The following PTPRN2 variants were observed in gnomAD, a reference collection of about 807,000 sequenced individuals.
PTPRN2 encodes the protein receptor-type tyrosine-protein phosphatase N2.
Under a neutral mutation model 118.8 loss-of-function variants are expected in PTPRN2, and 74 were observed. The observed-to-expected ratio is 0.62, with a 90% CI of 0.52 to 0.76. The LOEUF is 0.76. Among genes scored for constraint, PTPRN2 ranks in the 30% least tolerant of loss-of-function variants. PTPRN2 has a pLI of 0.00. For synonymous variants in PTPRN2, 641 were observed against 608.0 expected (o/e 1.05, Z -0.80); for missense variants, 1,481 against 1,394.4 (o/e 1.06, Z -0.99).
chr7:158,227,272 G>GC (rs1828856815), intron 3 of PTPRN2, among the ~76,000 whole-genome samples: 1 of 152,174 alleles, frequency 6.6e-6, no homozygotes, highest in Admixed American at 6.5e-5. Flanking sequence ...AAGACAGACA[G>GC]CCCAAGGTCA....
At chr7:158,155,565 T>TCACCAA (rs1563529098) in intron 6 of PTPRN2, among the ~76,000 whole-genome samples, 1 of 17,006 alleles carries the variant, frequency 5.9e-5, no homozygotes. Context: ...ATCATCATCA[T>TCACCAA]TGCCATCATC....
At chr7:158,140,123 T>C (rs1168037463) in intron 6 of PTPRN2, among the ~76,000 whole-genome samples, 1 of 152,062 alleles carries the variant, frequency 6.6e-6, no homozygotes, top group Admixed American at 6.5e-5. Context: ...AAACAACTGA[T>C]TGTTAGCAAG....
chr7:157,682,041 G>A (rs796077322), intron 13 of PTPRN2, among the ~76,000 whole-genome samples: 11 of 152,308 alleles, frequency 7.2e-5, no homozygotes, highest in South Asian at 2.1e-4. Flanking sequence ...TGTTAAAACC[G>A]AAGGCCTATG....
intron 12 of PTPRN2, among the ~76,000 whole-genome samples, chr7:157,756,434 T>C (rs915913313): frequency 2.0e-5 from 3 of 152,094 alleles, no homozygotes; most frequent in African/African-American, 7.2e-5. Context: ...TACCTGGGAT[T>C]ACAGGTGTCC....
rs560957103 is a variant in PTPRN2, at chr7:158,571,443, A to G, written c.112+16115T>C. Among the ~76,000 whole-genome samples, 42 of 149,536 alleles carry G rather than the reference A, an allele frequency of 2.8e-4. No homozygotes were observed. The East Asian group carries it at 7.9e-3, about 28-fold the overall frequency. ...CAGTGAGCTGAGATTGCACCACTGC[A>G]CTCCAGCCTGGGTAATAGAGTGAGA... On this transcript the variant is annotated intron_variant, in intron 1 of 22. Coordinates refer to ENST00000389418, the MANE Select transcript of PTPRN2 (RefSeq NM_002847.5).
Position 157,622,774 on chromosome 7 carries a change from C to T in PTPRN2, c.2197-1265G>A, listed in dbSNP as rs1045765325. Among the ~76,000 whole-genome samples, 16 of 152,176 alleles carry T rather than the reference C, an allele frequency of 1.1e-4. No individual in the cohort carries two copies. Among genetic ancestry groups the T allele is most frequent in the African/African-American group, 3.9e-4 (16 of 41,442 alleles). On this transcript the variant is annotated intron_variant, in intron 14 of 22. Transcript: ENST00000389418. This position sits in a 1 kb window ranked among gnomAD's most constrained non-coding sequence, Gnocchi z 5.3. ...ACTCTAAGGCCGTCTGTTGGGAGGT[C>T]CCAGGTTGTCACTGTCACCCCCACC...
intron 2 of PTPRN2, among the ~76,000 whole-genome samples, chr7:158,481,519 C>T (rs572161798): frequency 6.6e-6 from 1 of 152,332 alleles, no homozygotes; most frequent in African/African-American, 2.4e-5. Context: ...AGCTGGAGTG[C>T]AGTGGTGCGA....
chr7:157,595,138 A>T, intron 17 of PTPRN2, 100 bp downstream of exon 17: 1 of 1,058,492 alleles, frequency 9.4e-7, no homozygotes, highest in South Asian at 1.3e-5. Flanking sequence ...GAGCATTTGT[A>T]AGAAGTTTGA....
chr7:157,578,081 G>T lies in PTPRN2; in HGVS notation c.2556C>A (p.Gly852=). The change falls in exon 18 of 23, where the codon GGC becomes GGA. Residue 852 remains glycine (G), a synonymous_variant. Coordinates refer to ENST00000389418, the MANE Select transcript of PTPRN2 (RefSeq NM_002847.5). The part of the protein sequence containing the change: ...IVMLTPLAEN[G]VRQCYHYWPD... ...GCCAGTAGTGGTAGCACTGCCGGACGCCGTTCTCCGCGAGGGGTGTCAGCA... is the reference window on the plus strand; with the variant it reads ...GCCAGTAGTGGTAGCACTGCCGGACTCCGTTCTCCGCGAGGGGTGTCAGCA... 6.2e-7 allele frequency: 1 copy of T among 1,613,556 alleles called. No individual in the cohort carries two copies. The highest frequency in any genetic ancestry group is 8.5e-7 in the Non-Finnish European group (1 of 1,179,770).
chr7:157,606,224 G>T (rs987004520), intron 15 of PTPRN2, among the ~76,000 whole-genome samples: 4 of 152,246 alleles, frequency 2.6e-5, no homozygotes, highest in African/African-American at 4.8e-5. Context: ...ACAGCAGGGA[G>T]AATCCAGGTA....
intron 2 of PTPRN2, among the ~76,000 whole-genome samples, chr7:158,340,946 C>T (rs1447086597): frequency 1.1e-5 from 1 of 87,634 alleles, no homozygotes; most frequent in Non-Finnish European, 2.5e-5. Flanking sequence ...CACACTCTCA[C>T]CATAAGAGCT....
At chr7:158,381,794 G>T (rs550264702) in intron 2 of PTPRN2, among the ~76,000 whole-genome samples, 1 of 152,324 alleles carries the variant, frequency 6.6e-6, no homozygotes, top group Admixed American at 6.5e-5. Flanking sequence ...CCACATGGCT[G>T]GGGAGGCCTC....
intron 14 of PTPRN2, among the ~76,000 whole-genome samples, chr7:157,650,760 C>G (rs1182615303): frequency 6.6e-6 from 1 of 152,248 alleles, no homozygotes; most frequent in African/African-American, 2.4e-5. Flanking sequence ...GCGTGGGGTG[C>G]AGGGGACCCC....
intron 2 of PTPRN2, among the ~76,000 whole-genome samples, chr7:158,477,086 G>A (rs962204045): frequency 6.6e-6 from 1 of 152,194 alleles, no homozygotes; most frequent in Admixed American, 6.5e-5. Flanking sequence ...ATTGGAATTT[G>A]GGAGTGCAAT....
intron 11 of PTPRN2, among the ~76,000 whole-genome samples, chr7:157,904,075 A>G (rs968669703): frequency 9.9e-5 from 15 of 152,274 alleles, no homozygotes; most frequent in Admixed American, 7.8e-4. Context: ...CTGGTCTCTT[A>G]TGCTATTAAC....
intron 11 of PTPRN2, among the ~76,000 whole-genome samples, chr7:157,915,897 G>C (rs750851845): frequency 3.3e-5 from 5 of 152,126 alleles, no homozygotes; most frequent in Admixed American, 3.3e-4. Flanking sequence ...TTCTTCCAGC[G>C]TACCAGCAGA....
intron 3 of PTPRN2, among the ~76,000 whole-genome samples, chr7:158,309,388 C>T (rs1801532596): frequency 6.6e-6 from 1 of 152,234 alleles, no homozygotes; most frequent in Non-Finnish European, 1.5e-5. Flanking sequence ...TGCCTTCGAA[C>T]CTCGGACCTC....
intron 2 of PTPRN2, among the ~76,000 whole-genome samples, chr7:158,355,825 G>A (rs900485131): frequency 6.6e-6 from 1 of 152,226 alleles, no homozygotes; most frequent in Admixed American, 6.5e-5. Flanking sequence ...ATGATGGGGT[G>A]AGACCTCGCT....
rs1806896076 is a variant in PTPRN2, at chr7:158,341,861, G to GA, written c.164-24930_164-24929insT. 1.2e-4 allele frequency among the ~76,000 whole-genome samples: 3 copies of GA among 25,864 alleles called. 1 individual carries two copies. The highest frequency in any genetic ancestry group is 2.4e-4 in the Non-Finnish European group (3 of 12,724). The allele number at this position is 25,864 out of a possible 152,430, so 17.0% of individuals were successfully genotyped here. On this transcript the variant is annotated intron_variant, in intron 2 of 22. Transcript: ENST00000389418. ...ACACCCACACTCTCACCATAAGAGT[G>GA]TGCCCCGCAGGCGTCACTCACACCC...
Sources: allele counts gnomAD v4.1 joint callset (sites outside exome capture counted in the v4.1 genomes callset), GRCh38; gene constraint gnomAD v4.1.1; non-coding constraint Gnocchi (gnomAD v3.1); transcripts MANE v1.5; gene names NCBI Gene and HGNC (gene_info 2026-07-23, HGNC 2026-07-21).